DAG1: variants seen among roughly 807,000 people sequenced by gnomAD.
The protein encoded by DAG1 is dystroglycan 1 (dystrophin-associated glycoprotein 1).
A neutral mutation model predicts 46.1 loss-of-function variants in DAG1; 8 were observed. The observed-to-expected ratio is 0.17, with a 90% CI of 0.10 to 0.31. The LOEUF (loss-of-function observed/expected upper bound fraction) is 0.31, where lower values mean the gene tolerates loss of function less well. Among genes scored for constraint, DAG1 ranks in the 10% least tolerant of loss-of-function variants. The pLI, the probability that DAG1 is intolerant of heterozygous loss-of-function variation, is 1.00. For missense variants in DAG1, 1,003 were observed against 1,189.9 expected (o/e 0.84, Z 2.31); for synonymous variants, 495 against 481.8 (o/e 1.03, Z -0.36).
chr3:49,507,610 T>C (rs1223998754), intron 1 of DAG1, among the ~76,000 whole-genome samples: 1 of 151,980 alleles, frequency 6.6e-6, no homozygotes, highest in Non-Finnish European at 1.5e-5. Flanking sequence ...ATTTCCTTAA[T>C]ATTTTTCTTT....
Position 49,532,501 on chromosome 3 carries a change from C to G in DAG1, c.1990C>G (p.Leu664Val). The G allele has an allele frequency of 2.5e-6, 4 of 1,614,204 alleles. No individual in the cohort carries two copies. Among genetic ancestry groups the G allele is most frequent in the Non-Finnish European group, 3.4e-6 (4 of 1,180,036 alleles). ...CGTGGTGGAATGGACCAACAACACA[C>G]TGCCCTTGGAGCCCTGCCCCAAGGA... ...SIVVEWTNNT[L>V]PLEPCPKEQI... The change falls in exon 3 of 3, where the codon CTG becomes GTG. Residue 664 changes from leucine to valine, a missense_variant. Physicochemically the swap from Leu to Val is conservative, Grantham distance 32. Coordinates refer to ENST00000308775, the MANE Select transcript of DAG1 (RefSeq NM_004393.6). The surrounding 1 kb of genome is among the most constrained non-coding windows in gnomAD (Gnocchi z 5.4).
chr3:49,515,255 C>CCACT (rs1446978390), intron 2 of DAG1, among the ~76,000 whole-genome samples: 4 of 151,126 alleles, frequency 2.6e-5, no homozygotes, highest in Non-Finnish European at 5.9e-5. Context: ...CAGGAATGAG[C>CCACT]CACTGTCCCG....
At chr3:49,493,520 G>C (rs2050240209) in intron 1 of DAG1, among the ~76,000 whole-genome samples, 2 of 152,212 alleles carry the variant, frequency 1.3e-5, no homozygotes, top group Admixed American at 6.5e-5. Flanking sequence ...CTTCAGTCTT[G>C]TTAATCTGGG....
intron 1 of DAG1, among the ~76,000 whole-genome samples, chr3:49,475,195 C>A (rs533922173): frequency 6.6e-6 from 1 of 151,696 alleles, no homozygotes; most frequent in Non-Finnish European, 1.5e-5. Context: ...ACCTCCACCT[C>A]CTGGGTTCAA....
intron 1 of DAG1, among the ~76,000 whole-genome samples, chr3:49,495,914 C>CT (rs1287809501): frequency 6.6e-6 from 1 of 151,748 alleles, no homozygotes; most frequent in Admixed American, 6.6e-5. Flanking sequence ...GAGCGAGACT[C>CT]CGTCTCAAAA....
chr3:49,478,884 G>C (rs1200942903), intron 1 of DAG1, among the ~76,000 whole-genome samples: 6 of 140,280 alleles, frequency 4.3e-5, no homozygotes, highest in African/African-American at 1.6e-4. Flanking sequence ...CGTAATCTCG[G>C]CTCATTGCAA....
In DAG1 at chr3:49,492,230, C is replaced by T. The variant is rs116671203; in HGVS notation, c.-116-18189C>T. ...GTGAGCCACCGTACCCCGCCTGGCT[C>T]CAAGTCTATTCTTAAGACCACAGAA... On this transcript the variant is annotated intron_variant, in intron 1 of 2. Transcript: ENST00000308775. 7.0e-3 allele frequency among the ~76,000 whole-genome samples: 1,059 copies of T among 152,316 alleles called. 8 individuals carry two copies. Among genetic ancestry groups the T allele is most frequent in the African/African-American group, 0.024 (1,010 of 41,562 alleles).
chr3:49,507,181 AAAG>A (rs528570935), intron 1 of DAG1, among the ~76,000 whole-genome samples: 214 of 152,096 alleles, frequency 1.4e-3, no homozygotes, highest in Middle Eastern at 0.01. Flanking sequence ...TCTCCAAAAA[AAAG>A]AAAAAGAAGA....
chr3:49,475,154 G>A (rs185175111), intron 1 of DAG1, among the ~76,000 whole-genome samples: 398 of 148,814 alleles, frequency 2.7e-3, no homozygotes, highest in African/African-American at 9.3e-3. Flanking sequence ...ACCCAGATTC[G>A]AGTGCAATGG....
intron 1 of DAG1, among the ~76,000 whole-genome samples, chr3:49,487,014 C>T (rs1430482218): frequency 6.6e-6 from 1 of 152,030 alleles, no homozygotes; most frequent in Non-Finnish European, 1.5e-5. Context: ...CTCAGCCTAA[C>T]CAGTAGCTGG....
At chr3:49,486,408 C>G (rs188334609) in intron 1 of DAG1, among the ~76,000 whole-genome samples, 1 of 151,476 alleles carries the variant, frequency 6.6e-6, no homozygotes, top group Non-Finnish European at 1.5e-5. Context: ...TTAGTAGAGA[C>G]AGGGTTTCAC....
intron 2 of DAG1, among the ~76,000 whole-genome samples, chr3:49,517,033 G>A (rs894363037): frequency 2.4e-5 from 3 of 126,932 alleles, no homozygotes; most frequent in African/African-American, 8.9e-5. Context: ...TCGCTCTGTC[G>A]CCCAGGCTGG....
chr3:49,489,472 A>G (rs902738815), intron 1 of DAG1, among the ~76,000 whole-genome samples: 1 of 152,158 alleles, frequency 6.6e-6, no homozygotes, highest in Non-Finnish European at 1.5e-5. Flanking sequence ...CTGGGAACCA[A>G]TAGTAGGGAA....
intron 1 of DAG1, among the ~76,000 whole-genome samples, chr3:49,503,444 G>T (rs1341852692): frequency 1.3e-5 from 2 of 152,076 alleles, no homozygotes; most frequent in Non-Finnish European, 2.9e-5. Flanking sequence ...GATATTTTTT[G>T]ATAAGGATTC....
At chr3:49,478,774 A>G (rs753671229) in intron 1 of DAG1, among the ~76,000 whole-genome samples, 1 of 147,848 alleles carries the variant, frequency 6.8e-6, no homozygotes, top group Non-Finnish European at 1.5e-5. Flanking sequence ...AAAAATAAAA[A>G]AATGAAAAGT....
At position 49,530,971 on chromosome 3, in the gene DAG1, A is replaced by T; in HGVS notation, c.460A>T (p.Ile154Phe). 1 of 1,614,186 alleles carries T rather than the reference A, an allele frequency of 6.2e-7. No individual in the cohort carries two copies. The highest frequency in any genetic ancestry group is 1.7e-5 in the Admixed American group (1 of 60,022). Residue 154 changes from isoleucine (I) to phenylalanine (F), a missense_variant, in exon 3 of 3, where the codon ATC becomes TTC. Physicochemically the swap from Ile to Phe is conservative, Grantham distance 21. Coordinates refer to ENST00000308775, the MANE Select transcript of DAG1 (RefSeq NM_004393.6). The stretch of plus-strand genomic sequence containing the variant: ...CCCCCAGACCTCCAGTGTGTTCTCC[A>T]TCGAGGTCTACCCTGAAGACCACAG... ...HIPQTSSVFS[I>F]EVYPEDHSEL...
intron 1 of DAG1, among the ~76,000 whole-genome samples, chr3:49,489,098 C>CTTTTTT: frequency 7.1e-6 from 1 of 140,218 alleles, no homozygotes; most frequent in Non-Finnish European, 1.6e-5. Context: ...TGTGAATTAC[C>CTTTTTT]TTTTTTTTTT....
intron 1 of DAG1, among the ~76,000 whole-genome samples, chr3:49,485,409 CTGAGTCTT>C (rs896817903): frequency 1.9e-4 from 29 of 152,150 alleles, no homozygotes; most frequent in Admixed American, 1.3e-4. Context: ...AAACCGTGGC[CTGAGTCTT>C]TGAGGTGGAA....
At chr3:49,495,183 G>A (rs1253248887) in intron 1 of DAG1, among the ~76,000 whole-genome samples, 1 of 152,206 alleles carries the variant, frequency 6.6e-6, no homozygotes, top group African/African-American at 2.4e-5. Context: ...TTTGTACTGA[G>A]TTGGTGAGGG....
Sources: gnomAD v4.1 joint callset for allele counts (sites outside exome capture counted in the v4.1 genomes callset) on GRCh38, gnomAD v4.1.1 for gene constraint, Gnocchi (gnomAD v3.1) non-coding constraint, MANE v1.5 for transcripts, NCBI Gene and HGNC (gene_info 2026-07-23, HGNC 2026-07-21) for gene names.